MGA: variants seen among roughly 807,000 people sequenced by gnomAD.
The protein encoded by MGA is MAX gene-associated protein.
In MGA, 40 loss-of-function variants were observed where a neutral mutation model predicts 261.1. The ratio of observed to expected loss-of-function variants is 0.15; its 90% CI spans 0.12 to 0.20. The LOEUF (loss-of-function observed/expected upper bound fraction) is 0.20, where lower values mean the gene tolerates loss of function less well. MGA is among the 10% of genes least tolerant of loss of function. The pLI, the probability that MGA is intolerant of heterozygous loss-of-function variation, is 1.00. For synonymous variants in MGA, 1,302 were observed against 1,290.6 expected (o/e 1.01, Z -0.19); for missense variants, 3,397 against 3,630.5 (o/e 0.94, Z 1.65).
At position 41,713,331 on chromosome 15, in the gene MGA, C is replaced by T; in HGVS notation, c.3265C>T (p.Leu1089Phe). The T allele has an allele frequency of 2.5e-6, 4 of 1,613,916 alleles. No individual in the cohort carries two copies. The highest frequency in any genetic ancestry group is 2.2e-5 in the South Asian group (2 of 91,084). Reference sequence around the variant, plus strand: ...TACTTGTTTGAAAAGAAAAGTTGTACTTGTTAAAGGAGGATCCAAAACTAA... The same window carrying T: ...TACTTGTTTGAAAAGAAAAGTTGTATTTGTTAAAGGAGGATCCAAAACTAA... The change falls in exon 9 of 24, where the codon CTT becomes TTT. Residue 1089 changes from leucine to phenylalanine, a missense_variant. Leu to Phe is a conservative substitution (Grantham distance 22). Coordinates refer to ENST00000219905, the MANE Select transcript of MGA (RefSeq NM_001164273.2).
rs779771521 is a variant in MGA, at chr15:41,736,300, G to C, written c.4036G>C (p.Glu1346Gln). The change falls in exon 13 of 24, where the codon GAA becomes CAA. Residue 1346 changes from glutamate (E) to glutamine (Q), a missense_variant. By Grantham distance (29) the Glu-to-Gln change is conservative. This residue lies in a region of MGA where 1,410 missense variants were observed against 1,386.4 expected (regional missense o/e 1.02). Transcript: ENST00000219905. ...GATCATCTCAGACTGCAACTGGGAG[G>C]AAGATCGGAACAAGATTTTGAGCAT... The C allele has an allele frequency of 6.2e-7, 1 of 1,613,988 alleles. No homozygotes were observed. Among genetic ancestry groups the C allele is most frequent in the East Asian group, 2.2e-5 (1 of 44,890 alleles).
intron 11 of MGA, among the ~76,000 whole-genome samples, chr15:41,729,726 G>A (rs1344774233): frequency 6.6e-6 from 1 of 152,068 alleles, no homozygotes; most frequent in African/African-American, 2.4e-5. Context: ...TACCTGGGGT[G>A]CTGAGGAACG....
chr15:41,648,137 C>T (rs2056971104), intron 1 of MGA, among the ~76,000 whole-genome samples: 1 of 152,200 alleles, frequency 6.6e-6, no homozygotes, highest in East Asian at 1.9e-4. Context: ...TGAATGCTTA[C>T]TTCGTATCTG....
At chr15:41,753,845 A>G (rs944300682) in intron 17 of MGA, among the ~76,000 whole-genome samples, 9 of 152,202 alleles carry the variant, frequency 5.9e-5, no homozygotes, top group Admixed American at 5.9e-4. Flanking sequence ...AATTTTGTCC[A>G]CTAGAAATAA....
intron 1 of MGA, among the ~76,000 whole-genome samples, chr15:41,650,422 T>C (rs2057018977): frequency 6.6e-6 from 1 of 152,042 alleles, no homozygotes; most frequent in African/African-American, 2.4e-5. Context: ...CCTACCACTA[T>C]GCTTCTATAG....
chr15:41,753,463 T>C (rs922579001), intron 17 of MGA, among the ~76,000 whole-genome samples: 1 of 152,044 alleles, frequency 6.6e-6, no homozygotes, highest in African/African-American at 2.4e-5. Context: ...GCTTATCCTA[T>C]ATATCCACAT....
At position 41,638,032 on chromosome 15, in the gene MGA, CTTTTT is replaced by C. The variant is rs56390631; in HGVS notation, c.-68+16758_-68+16762del. On this transcript the variant is annotated intron_variant, in intron 1 of 8. Transcript: ENST00000566718. ...AGACGTGAGCCACTACTGTGCCCAG[CTTTTT>C]TTTTTTTTTTTTTTTTTTTTTTTGG... is the stretch of plus-strand genomic sequence containing the variant. Among the ~76,000 whole-genome samples, 210 of 42,988 alleles carry C rather than the reference CTTTTT, an allele frequency of 4.9e-3. 1 individual carries two copies. The highest frequency in any genetic ancestry group is 0.016 in the African/African-American group (206 of 12,800). The allele number at this position is 42,988 out of a possible 152,430, so 28.2% of individuals were successfully genotyped here.
intron 1 of MGA, among the ~76,000 whole-genome samples, chr15:41,637,269 T>C (rs1226711181): frequency 6.6e-6 from 1 of 152,082 alleles, no homozygotes; most frequent in Non-Finnish European, 1.5e-5. Context: ...GGAAGATAGG[T>C]CATGGTTCGT....
intron 5 of MGA, among the ~76,000 whole-genome samples, chr15:41,707,108 A>C (rs1021742595): frequency 2.6e-5 from 4 of 152,238 alleles, no homozygotes; most frequent in African/African-American, 4.8e-5. Flanking sequence ...TCTGGACCAC[A>C]AAGAGTTAAA....
intron 2 of MGA, among the ~76,000 whole-genome samples, chr15:41,678,254 C>G (rs956371981): frequency 1.8e-4 from 27 of 151,548 alleles, no homozygotes; most frequent in Admixed American, 7.9e-4. Flanking sequence ...CCATGCCCAG[C>G]TAATTTTTGT....
In MGA at chr15:41,750,529, GATA is replaced by G. The variant is rs2062772749; in HGVS notation, c.6925_6927del (p.Asn2309del). 5 of 1,613,128 alleles carry G rather than the reference GATA, an allele frequency of 3.1e-6. No individual in the cohort carries two copies. The South Asian group carries it at 4.4e-5, about 14-fold the overall frequency. ...GGATTTGGAAGAAGATGATGAAGATGATAATGAGAAAACTGATGATTCTATTGA... is the reference window on the plus strand; with the variant it reads ...GGATTTGGAAGAAGATGATGAAGATGATGAGAAAACTGATGATTCTATTGA... On this transcript the variant is annotated inframe_deletion, in exon 17 of 24. Transcript: ENST00000219905.
At chr15:41,659,641 T>C (rs2057289717), upstream of MGA, among the ~76,000 whole-genome samples, 2 of 152,246 alleles carry the variant, frequency 1.3e-5, no homozygotes, top group African/African-American at 2.4e-5. Context: ...ATAATAGATA[T>C]TCACTAATAC....
chr15:41,733,147 G>A (rs1244835038), intron 11 of MGA, among the ~76,000 whole-genome samples: 1 of 151,996 alleles, frequency 6.6e-6, no homozygotes, highest in Non-Finnish European at 1.5e-5. Flanking sequence ...TAGTTGAGAC[G>A]GGGTTTTACC....
chr15:41,651,902 C>CT (rs2150722313), intron 1 of MGA, among the ~76,000 whole-genome samples: 1 of 104,868 alleles, frequency 9.5e-6, no homozygotes, highest in South Asian at 4.1e-4. Context: ...CCTCTCCCCT[C>CT]CCTTTCCCTT....
chr15:41,709,910 G>A (rs576272000), intron 7 of MGA, among the ~76,000 whole-genome samples: 114 of 149,854 alleles, frequency 7.6e-4, no homozygotes, highest in South Asian at 1.9e-3. Flanking sequence ...CAACCTCCCC[G>A]TCTCGGGTTC....
In MGA at chr15:41,696,137, G is replaced by A; in HGVS notation, c.1127G>A (p.Ser376Asn). 5 of 1,613,888 alleles carry A rather than the reference G, an allele frequency of 3.1e-6. No individual in the cohort carries two copies. The highest frequency in any genetic ancestry group is 4.2e-6 in the Non-Finnish European group (5 of 1,179,874). The change falls in exon 3 of 24, where the codon AGC becomes AAC. Residue 376 changes from serine (S) to asparagine (N), a missense_variant. Physicochemically the swap from Ser to Asn is conservative, Grantham distance 46 (BLOSUM62 1). This residue lies in a region of MGA where 563 missense variants were observed against 563.6 expected (regional missense o/e 1.00). Transcript: ENST00000219905. ...GCCTCACCGTTAGACCAGAACGGAAGCTTCAATGTTGTTATTAAAGAGGAA... is the reference window on the plus strand; with the variant it reads ...GCCTCACCGTTAGACCAGAACGGAAACTTCAATGTTGTTATTAAAGAGGAA...
At chr15:41,655,605 C>T (rs148389193), upstream of MGA, among the ~76,000 whole-genome samples, 9 of 151,624 alleles carry the variant, frequency 5.9e-5, no homozygotes, top group African/African-American at 2.2e-4. Flanking sequence ...ATTTTTGATC[C>T]ATGATTGGTT....
chr15:41,673,210 TC>T (rs1566958964), intron 2 of MGA, among the ~76,000 whole-genome samples: 1 of 152,018 alleles, frequency 6.6e-6, no homozygotes, highest in Non-Finnish European at 1.5e-5. Context: ...CCTTAGTTTT[TC>T]TTTCTTTCTT....
At chr15:41,746,547 A>C (rs2062493656) in intron 15 of MGA, among the ~76,000 whole-genome samples, 1 of 150,592 alleles carries the variant, frequency 6.6e-6, no homozygotes, top group Non-Finnish European at 1.5e-5. Context: ...TTCGTCTCAA[A>C]AAAAAAAAAA....
Sources: gnomAD v4.1 joint callset for allele counts (sites outside exome capture counted in the v4.1 genomes callset) on GRCh38, gnomAD v4.1.1 for gene constraint, gnomAD v4.1.1 regional missense constraint, MANE v1.5 for transcripts, NCBI Gene and HGNC (gene_info 2026-07-23, HGNC 2026-07-21) for gene names.